Variants in SPAG5 observed in about 807,000 individuals in gnomAD.
SPAG5 encodes the protein sperm-associated antigen 5.
In SPAG5, 99 loss-of-function variants were observed where a neutral mutation model predicts 145.4. The observed-to-expected ratio is 0.68, with a 90% CI of 0.58 to 0.80. The LOEUF (loss-of-function observed/expected upper bound fraction) is 0.80. Among genes scored for constraint, SPAG5 ranks in the 30% least tolerant of loss-of-function variants. The probability of loss-of-function intolerance (pLI) is 0.00; values close to 1 mark genes in which losing one functional copy is unlikely to be tolerated. For missense variants in SPAG5, 1,192 were observed against 1,416.0 expected (o/e 0.84, Z 2.54); for synonymous variants, 477 against 525.4 (o/e 0.91, Z 1.26).
chr17:28,591,268 T>G (rs2070619341), intron 4 of SPAG5, among the ~76,000 whole-genome samples: 1 of 152,174 alleles, frequency 6.6e-6, no homozygotes, highest in Admixed American at 6.5e-5. Flanking sequence ...CCCACAGCTT[T>G]AAGGGGATTT....
chr17:28,578,147 C>A (rs2070519596), intron 22 of SPAG5, 57 bp from the exon 23 acceptor site: 5 of 1,609,418 alleles, frequency 3.1e-6, no homozygotes, highest in South Asian at 2.2e-5. Flanking sequence ...CTTGGTAGGA[C>A]AGGGGAAACA....
Position 28,584,722 on chromosome 17 carries a change from G to A in SPAG5, c.2091C>T (p.Val697=). Residue 697 remains valine (V), a synonymous_variant, in exon 11 of 24, where the codon GTC becomes GTT. Transcript: ENST00000321765. ...KQEVSRVLEQ[V]SAQLEECKGQ... is the part of the protein sequence containing the mutation. ...CTTTGCACTCCTCTAACTGGGCAGA[G>A]ACTTGTTCCAGCACCCTAGAAACCT... 1.9e-6 allele frequency: 3 copies of A among 1,614,028 alleles called. No individual in the cohort carries two copies. Among genetic ancestry groups the A allele is most frequent in the Non-Finnish European group, 1.7e-6 (2 of 1,179,920 alleles).
chr17:28,582,034 T>C (rs1235500323), intron 15 of SPAG5, among the ~76,000 whole-genome samples: 1 of 152,218 alleles, frequency 6.6e-6, no homozygotes, highest in African/African-American at 2.4e-5. Context: ...TTGGTTCTAC[T>C]GCCTCTGCTT....
chr17:28,579,644 A>G, intron 17 of SPAG5, 107 bp downstream of exon 17: 2 of 1,379,976 alleles, frequency 1.4e-6, no homozygotes, highest in Admixed American at 1.8e-5. Context: ...AATGAGCCCA[A>G]GTAGAATTGA....
At position 28,593,069 on chromosome 17, in the gene SPAG5, G is replaced by T; in HGVS notation, c.178-3C>A. The T allele has an allele frequency of 6.2e-7, 1 of 1,611,448 alleles. No homozygotes were observed. Among genetic ancestry groups the T allele is most frequent in the Admixed American group, 1.7e-5 (1 of 59,874 alleles). ...GGAGATGAGTTGTTGCTGCCTTCCT[G>T]CCAAAGGAAACAAAAGTAGTTGTCT... is the stretch of plus-strand genomic sequence containing the variant. On this transcript the variant is annotated splice_region_variant and splice_polypyrimidine_tract_variant and intron_variant, in intron 2 of 23. Transcript: ENST00000321765.
In SPAG5 at chr17:28,586,112, T is replaced by C; in HGVS notation, c.1583A>G (p.Asp528Gly). 1 of 1,614,158 alleles carries C rather than the reference T, an allele frequency of 6.2e-7. No homozygotes were observed. Among genetic ancestry groups the C allele is most frequent in the Non-Finnish European group, 8.5e-7 (1 of 1,179,974 alleles). ...LHLSLLHLEEDKTTVSQESRR... is the reference protein window; with the variant it reads ...LHLSLLHLEEGKTTVSQESRR... ...TACCTCCTGACTCACAGTAGTCTTA[T>C]CTTCTTCTAAATGCAACAGGGATAG... The change falls in exon 6 of 24, where the codon GAT becomes GGT. Residue 528 changes from aspartate (D) to glycine (G), a missense_variant. Asp to Gly is a moderately conservative substitution (Grantham distance 94). Around this residue, in one of 5 missense-constraint regions of SPAG5, gnomAD observed 709 missense variants for 840.7 expected, o/e 0.84. Transcript: ENST00000321765.
At position 28,592,535 on chromosome 17, in the gene SPAG5, T is replaced by C; in HGVS notation, c.709A>G (p.Ser237Gly). 6.2e-7 allele frequency: 1 copy of C among 1,614,250 alleles called. No homozygotes were observed. Among genetic ancestry groups the C allele is most frequent in the Non-Finnish European group, 8.5e-7 (1 of 1,180,046 alleles). Residue 237 changes from serine to glycine, a missense_variant, in exon 3 of 24, where the codon AGT becomes GGT. This residue lies in a region of SPAG5 where 329 missense variants were observed against 354.0 expected (regional missense o/e 0.93). Transcript: ENST00000321765. ...ACAGAGGAAGGCAAGAAGGCGTTAC[T>C]TTCAGAAGGTACTAAGTCCTCACGC... ...AVREDLVPSE[S>G]NAFLPSSVLW...
rs757915502 is a variant in SPAG5, at chr17:28,579,487, TGAAAGA to T, written c.2885-8_2885-3del. ...GGCTCTCCTCCATGCCTGGGGTCTCTGAAAGAGAAAGTCCCAGATAGAGGTCTAGCC... is the reference window on the plus strand; with the variant it reads ...GGCTCTCCTCCATGCCTGGGGTCTCTGAAAGTCCCAGATAGAGGTCTAGCC... On this transcript the variant is annotated splice_region_variant and splice_polypyrimidine_tract_variant and intron_variant, in intron 17 of 23. Coordinates refer to ENST00000321765, the MANE Select transcript of SPAG5 (RefSeq NM_006461.4). 1 of 1,613,348 alleles carries T rather than the reference TGAAAGA, an allele frequency of 6.2e-7. No individual in the cohort carries two copies. The highest frequency in any genetic ancestry group is 8.5e-7 in the Non-Finnish European group (1 of 1,179,682).
At position 28,580,017 on chromosome 17, in the gene SPAG5, G is replaced by A. The variant is rs752998314; in HGVS notation, c.2789C>T (p.Ala930Val). Residue 930 changes from alanine to valine, a missense_variant, in exon 16 of 24, where the codon GCA becomes GTA. Ala to Val is a moderately conservative substitution (Grantham distance 64, BLOSUM62 0). This residue lies in a region of SPAG5 where 709 missense variants were observed against 840.7 expected (regional missense o/e 0.84). Transcript: ENST00000321765. ...TFLGSILTAV[A>V]DEEPESTPVP... ...ATCCCAGGGCCTTTAACCTTCATCT[G>A]CCACTGCTGTCAAGATGCTTCCCAG... 15 of 1,612,856 alleles carry A rather than the reference G, an allele frequency of 9.3e-6. No individual in the cohort carries two copies. The South Asian group carries it at 1.6e-4, about 18-fold the overall frequency.
At chr17:28,598,858 C>T in intron 1 of SPAG5, 38 bp downstream of exon 1, 2 of 1,609,870 alleles carry the variant, frequency 1.2e-6, no homozygotes, top group Non-Finnish European at 8.5e-7. Context: ...GCGACAGCAG[C>T]CCGGCCCAGT....
At position 28,579,797 on chromosome 17, in the gene SPAG5, C is replaced by T. The variant is rs779388211; in HGVS notation, c.2838G>A (p.Lys946=). ...TTGATGCTACTCGGGTGAAAGCACT[C>T]TTGTCACTTCCAAGCAAGGGCACAG... ...STPVPLLGSD[K]SAFTRVASMV... Residue 946 remains lysine (K), a synonymous_variant, in exon 17 of 24, where the codon AAG becomes AAA. Coordinates refer to ENST00000321765, the MANE Select transcript of SPAG5 (RefSeq NM_006461.4). 3.0e-5 allele frequency: 49 copies of T among 1,614,088 alleles called. No individual in the cohort carries two copies. In the Admixed American group the frequency reaches 8.0e-4, roughly 26 times the overall value.
At chr17:28,594,439 C>CA (rs960754688) in intron 2 of SPAG5, among the ~76,000 whole-genome samples, 1 of 152,004 alleles carries the variant, frequency 6.6e-6, no homozygotes, top group African/African-American at 2.4e-5. Flanking sequence ...ACTAAAAATA[C>CA]AAAAAATTAG....
rs1489355028 is a variant in SPAG5 at position 28,583,608 on chromosome 17, T to A, written c.2588A>T (p.Asp863Val). ...ASTIADNQEQ[D>V]LEKTRQYSQK... ...AGAGTACTGCCGTGTTTTCTCCAGA[T>A]CTTGCTCCTGGTTATCTGCTATGGT... Residue 863 changes from aspartate to valine, a missense_variant, in exon 15 of 24, where the codon GAT (aspartate) becomes GTT (valine). By Grantham distance (152) the Asp-to-Val change is radical. Around this residue, in one of 5 missense-constraint regions of SPAG5, gnomAD observed 709 missense variants for 840.7 expected, o/e 0.84. Coordinates refer to ENST00000321765, the MANE Select transcript of SPAG5 (RefSeq NM_006461.4). The A allele has an allele frequency of 6.2e-7, 1 of 1,613,546 alleles. No individual in the cohort carries two copies.
Position 28,585,303 on chromosome 17 carries a change from G to A in SPAG5, c.1953+16C>T, listed in dbSNP as rs536290724. The stretch of plus-strand genomic sequence containing the variant: ...ATGTGAGTAAGGAATTAGTTATGAT[G>A]GTCCCAAATACTCACATCCAGTTGC... On this transcript the variant is annotated intron_variant, in intron 9 of 23. Coordinates refer to ENST00000321765, the MANE Select transcript of SPAG5 (RefSeq NM_006461.4). 6.2e-6 allele frequency: 10 copies of A among 1,611,768 alleles called. No homozygotes were observed. Among genetic ancestry groups the A allele is most frequent in the Admixed American group, 1.7e-5 (1 of 60,004 alleles).
chr17:28,598,720 A>C (rs534149309), intron 1 of SPAG5, 85 bp from the exon 2 acceptor site: 10 of 1,544,332 alleles, frequency 6.5e-6, no homozygotes, highest in East Asian at 4.5e-5. Context: ...AAGAAGCCCA[A>C]AATGCGATTA....
In SPAG5 at chr17:28,584,377, C is replaced by T; in HGVS notation, c.2265G>A (p.Glu755=). 6.2e-7 allele frequency: 1 copy of T among 1,614,196 alleles called. No individual in the cohort carries two copies. The highest frequency in any genetic ancestry group is 8.5e-7 in the Non-Finnish European group (1 of 1,180,048). Residue 755 remains glutamate (E), a synonymous_variant, in exon 12 of 24, where the codon GAG becomes GAA. Transcript: ENST00000321765. ...HCAQDLAMKD[E]LLCQLTQSNE... is the part of the protein sequence containing the mutation. ...TGCTCTGGGTAAGCTGGCAGAGTAACTCATCCTTCATAGCCAGGTCCTGGG... is the reference window on the plus strand; with the variant it reads ...TGCTCTGGGTAAGCTGGCAGAGTAATTCATCCTTCATAGCCAGGTCCTGGG...
rs1034694413 is a variant in SPAG5 at position 28,580,073 on chromosome 17, C to T, written c.2733G>A (p.Gln911=). 1.9e-6 allele frequency: 3 copies of T among 1,614,092 alleles called. No individual in the cohort carries two copies. Among genetic ancestry groups the T allele is most frequent in the Admixed American group, 1.7e-5 (1 of 60,014 alleles). Reference sequence around the variant, plus strand: ...TCCTGTCATTAGGCAGAGGGTGTTCCTGGGTGGGAGGACAGGCTGTACTCA... The same window carrying T: ...TCCTGTCATTAGGCAGAGGGTGTTCTTGGGTGGGAGGACAGGCTGTACTCA... The part of the protein sequence containing the change: ...LLLSTACPPT[Q]EHPLPNDRTF... The change falls in exon 16 of 24, where the codon CAG becomes CAA. Residue 911 remains glutamine, a synonymous_variant. Transcript: ENST00000321765.
intron 13 of SPAG5, 23 bp from the exon 14 acceptor site, chr17:28,584,009 A>C: frequency 6.2e-7 from 1 of 1,613,924 alleles, no homozygotes; most frequent in Non-Finnish European, 8.5e-7. Flanking sequence ...GAGAAGGAGC[A>C]AGACAGGGAG....
intron 1 of SPAG5, 87 bp from the exon 2 acceptor site, chr17:28,598,722 A>C: frequency 1.3e-6 from 2 of 1,540,498 alleles, no homozygotes; most frequent in Non-Finnish European, 1.8e-6. Flanking sequence ...GAAGCCCAAA[A>C]TGCGATTAGA....
Sources: allele counts gnomAD v4.1 joint callset (sites outside exome capture counted in the v4.1 genomes callset), GRCh38; gene constraint gnomAD v4.1.1; regional missense constraint gnomAD v4.1.1; transcripts MANE v1.5; gene names NCBI Gene and HGNC (gene_info 2026-07-23, HGNC 2026-07-21).